The following EBF3 variants were observed in gnomAD, a reference collection of about 807,000 sequenced individuals.
EBF3 encodes EBF transcription factor 3.
Under a neutral mutation model 77.1 loss-of-function variants are expected in EBF3, and 18 were observed. The observed-to-expected ratio is 0.23, with a 90% CI of 0.16 to 0.35. The LOEUF (loss-of-function observed/expected upper bound fraction) is 0.35, where lower values mean the gene tolerates loss of function less well. Among genes scored for constraint, EBF3 ranks in the 10% least tolerant of loss-of-function variants. The pLI, the probability that EBF3 is intolerant of heterozygous loss-of-function variation, is 1.00. For missense variants in EBF3, 558 were observed against 860.0 expected (o/e 0.65, Z 4.39); for synonymous variants, 350 against 343.5 (o/e 1.02, Z -0.21).
At chr10:129,855,125 CA>C (rs1851162874) in intron 10 of EBF3, among the ~76,000 whole-genome samples, 1 of 152,244 alleles carries the variant, frequency 6.6e-6, no homozygotes, top group African/African-American at 2.4e-5. Context: ...CCGCTCACTG[CA>C]GGGTATTTCT....
chr10:129,880,478 C>T (rs923175566), intron 6 of EBF3, among the ~76,000 whole-genome samples: 2 of 150,532 alleles, frequency 1.3e-5, no homozygotes, highest in African/African-American at 4.8e-5. Context: ...CACACATACG[C>T]ACATACATAT....
intron 16 of EBF3, among the ~76,000 whole-genome samples, chr10:129,838,545 TCCAGGCAAGGGC>T (rs1188500857): frequency 2.0e-5 from 3 of 152,134 alleles, no homozygotes; most frequent in Admixed American, 2.0e-4. Context: ...CCCTGGAACC[TCCAGGCAAGGGC>T]CACGGAGAGA....
intron 16 of EBF3, among the ~76,000 whole-genome samples, chr10:129,838,719 T>G (rs1367373715): frequency 6.6e-6 from 1 of 152,270 alleles, no homozygotes; most frequent in African/African-American, 2.4e-5. Flanking sequence ...TTGTTTAATT[T>G]TTGTCAGAAT....
At chr10:129,881,094 G>C (rs1853174496) in intron 6 of EBF3, among the ~76,000 whole-genome samples, 1 of 152,148 alleles carries the variant, frequency 6.6e-6, no homozygotes, top group Admixed American at 6.5e-5. Flanking sequence ...CTCACTTCTA[G>C]AGTCTGGTAC....
At chr10:129,958,834 G>T in intron 5 of EBF3, 100 bp downstream of exon 5, 1 of 1,414,768 alleles carries the variant, frequency 7.1e-7, no homozygotes, top group Non-Finnish European at 9.3e-7. Flanking sequence ...TGCCCTTCCC[G>T]GAGCTGGGCG....
At chr10:129,948,185 G>C (rs151076811) in intron 6 of EBF3, among the ~76,000 whole-genome samples, 1 of 147,836 alleles carries the variant, frequency 6.8e-6, no homozygotes. Flanking sequence ...TTGAACCTGG[G>C]AGAAGGAGGT....
intron 6 of EBF3, among the ~76,000 whole-genome samples, chr10:129,913,693 C>T (rs990835899): frequency 2.6e-5 from 4 of 152,362 alleles, no homozygotes; most frequent in African/African-American, 9.6e-5. Flanking sequence ...TGCTAGATCA[C>T]CACCGGTGAG....
intron 15 of EBF3, among the ~76,000 whole-genome samples, chr10:129,840,009 G>C (rs1040335119): frequency 6.6e-6 from 1 of 152,268 alleles, no homozygotes; most frequent in Admixed American, 6.5e-5. Context: ...ACTAGGTGCC[G>C]TCGGAAGGGT....
intron 8 of EBF3, among the ~76,000 whole-genome samples, chr10:129,869,710 T>C (rs1852281062): frequency 6.6e-6 from 1 of 152,204 alleles, no homozygotes; most frequent in African/African-American, 2.4e-5. Context: ...CTTCCTTTGT[T>C]TGCTTTAATG....
At chr10:129,851,540 TAC>T (rs2133994672) in intron 10 of EBF3, among the ~76,000 whole-genome samples, 3 of 152,286 alleles carry the variant, frequency 2.0e-5, no homozygotes, top group Admixed American at 2.0e-4. Context: ...AAAAAAACAA[TAC>T]GTTTCTCAAA....
intron 4 of EBF3, 60 bp downstream of exon 4, chr10:129,962,111 A>G: frequency 6.4e-7 from 1 of 1,565,882 alleles, no homozygotes; most frequent in Non-Finnish European, 8.8e-7. Flanking sequence ...CTTGCCTCTG[A>G]AGCCCAGGAC....
chr10:129,848,533 T>C lies in EBF3; in HGVS notation c.1040-53A>G, dbSNP rs1238146590. The C allele has an allele frequency of 3.8e-6, 6 of 1,576,538 alleles. No homozygotes were observed. The highest frequency in any genetic ancestry group is 5.2e-6 in the Non-Finnish European group (6 of 1,146,054). ...AGGTTAATTACTTTTATGTCATCCA[T>C]TACTCGTTTATTGCACACTTACAAA... On this transcript the variant is annotated intron_variant, in intron 10 of 16. Transcript: ENST00000440978. The surrounding 1 kb of genome is among the most constrained non-coding windows in gnomAD (Gnocchi z 4.4).
At chr10:129,960,628 CTTTTTTTTTT>C (rs34551386) in intron 4 of EBF3, among the ~76,000 whole-genome samples, 1 of 115,246 alleles carries the variant, frequency 8.7e-6, no homozygotes, top group Non-Finnish European at 1.8e-5. Flanking sequence ...TATTTCTTTC[CTTTTTTTTTT>C]TTTTTTTTTG....
At chr10:129,960,505 GTCC>G (rs1859421688) in intron 4 of EBF3, among the ~76,000 whole-genome samples, 1 of 152,154 alleles carries the variant, frequency 6.6e-6, no homozygotes, top group Non-Finnish European at 1.5e-5. Flanking sequence ...AGAGTGGCTT[GTCC>G]TCCGATGGAT....
chr10:129,954,421 C>T (rs186109096), intron 6 of EBF3, among the ~76,000 whole-genome samples: 5 of 134,012 alleles, frequency 3.7e-5, no homozygotes, highest in Admixed American at 7.0e-5. Flanking sequence ...TTCCCCCCCC[C>T]CTTTTTTTTT....
In EBF3 at chr10:129,943,011, T is replaced by C. The variant is rs183111698; in HGVS notation, c.554+14247A>G. On this transcript the variant is annotated intron_variant, in intron 6 of 16. Transcript: ENST00000440978. This position sits in a 1 kb window ranked among gnomAD's most constrained non-coding sequence, Gnocchi z 8.8. ...TATGTACTGCTTTCTAATGGGTGTT[T>C]TTCTCTGGATTCTAAGAGGAAGGTA... Among the ~76,000 whole-genome samples the C allele has an allele frequency of 8.6e-4, 131 of 152,322 alleles. 1 individual carries two copies. The highest frequency in any genetic ancestry group is 7.7e-3 in the South Asian group (37 of 4,824).
chr10:129,883,380 C>A (rs180868090), intron 6 of EBF3, among the ~76,000 whole-genome samples: 1 of 152,210 alleles, frequency 6.6e-6, no homozygotes, highest in Non-Finnish European at 1.5e-5. Flanking sequence ...CCCCCTTTTG[C>A]GGCCCTCAAT....
chr10:129,835,660 T>G lies in EBF3; in HGVS notation c.*2283A>C, dbSNP rs1477817356. 6.6e-6 allele frequency: 1 copy of G among 152,426 alleles called. No individual in the cohort carries two copies. Among genetic ancestry groups the G allele is most frequent in the Non-Finnish European group, 1.5e-5 (1 of 68,048 alleles). 9.4% of individuals were successfully genotyped at this position (152,426 alleles called of 1,614,324 possible). A position where few individuals can be genotyped will look rare whatever the true frequency, so the allele number is the denominator to read the frequency against. Reference sequence around the variant, plus strand: ...ATCACAAAGCCAGACTGTGACCTGCTGACTCCTGGGGACATTCTGTTTATT... The same window carrying G: ...ATCACAAAGCCAGACTGTGACCTGCGGACTCCTGGGGACATTCTGTTTATT... On this transcript the variant is annotated 3_prime_UTR_variant, in exon 17 of 17. Coordinates refer to ENST00000440978, the MANE Select transcript of EBF3 (RefSeq NM_001375380.1).
chr10:129,931,698 T>C (rs748636011), intron 6 of EBF3, among the ~76,000 whole-genome samples: 6 of 152,250 alleles, frequency 3.9e-5, no homozygotes, highest in Non-Finnish European at 5.9e-5. Context: ...TCTCATTCTT[T>C]CTCTATTGGT....
Sources: gnomAD v4.1 joint callset for allele counts (sites outside exome capture counted in the v4.1 genomes callset) on GRCh38, gnomAD v4.1.1 for gene constraint, Gnocchi (gnomAD v3.1) non-coding constraint, MANE v1.5 for transcripts, NCBI Gene and HGNC (gene_info 2026-07-23, HGNC 2026-07-21) for gene names.